The following QRSL1 variants were observed in gnomAD, a reference collection of about 807,000 sequenced individuals.
QRSL1 encodes glutamyl-tRNA(Gln) amidotransferase subunit A, mitochondrial.
A neutral mutation model predicts 61.6 loss-of-function variants in QRSL1; 54 were observed. That is an observed-to-expected ratio of 0.88 (90% CI 0.70 to 1.10). QRSL1 has a LOEUF of 1.10. QRSL1 is among the 50% of genes least tolerant of loss of function. The pLI is 0.00. For synonymous variants in QRSL1, 228 were observed against 225.7 expected, an observed-to-expected ratio of 1.01 and a Z score of -0.09; for missense variants, 505 against 622.6, an observed-to-expected ratio of 0.81 and a Z score of 2.01.
chr6:106,657,675 T>C (rs1582419520), intron 9 of QRSL1, among the ~76,000 whole-genome samples: 1 of 152,194 alleles, frequency 6.6e-6, no homozygotes. Context: ...ACTTTTTTTA[T>C]TTTAAAAAGT....
chr6:106,639,119 G>GTTTTTTTTTT (rs1177849683), intron 1 of QRSL1, among the ~76,000 whole-genome samples: 35 of 122,810 alleles, frequency 2.8e-4, no homozygotes, highest in African/African-American at 8.0e-4. Context: ...GTGTTTTGTT[G>GTTTTTTTTTT]TTTTTTTTTT....
At chr6:106,642,496 T>G in intron 3 of QRSL1, 5 of 684,798 alleles carry the variant, frequency 7.3e-6, no homozygotes, top group East Asian at 2.6e-5. Flanking sequence ...AGGCACCCAA[T>G]ATGTGTTTTC....
intron 1 of QRSL1, among the ~76,000 whole-genome samples, chr6:106,639,140 T>TTTTTTTTTTTTTTTTTTC (rs1562165178): frequency 7.0e-6 from 1 of 141,966 alleles, no homozygotes; most frequent in African/African-American, 2.7e-5. Flanking sequence ...TTTTTTTTTT[T>TTTTTTTTTTTTTTTTTTC]TTTTTTGACA....
intron 1 of QRSL1, among the ~76,000 whole-genome samples, chr6:106,637,570 G>A (rs1776943932): frequency 6.6e-6 from 1 of 152,076 alleles, no homozygotes; most frequent in Non-Finnish European, 1.5e-5. Flanking sequence ...AGAGGGAAGA[G>A]AAGCATTGAG....
At chr6:106,636,226 G>A (rs1394972098) in intron 1 of QRSL1, among the ~76,000 whole-genome samples, 3 of 151,866 alleles carry the variant, frequency 2.0e-5, no homozygotes, top group Non-Finnish European at 4.4e-5. Context: ...AAGCATTTTG[G>A]ATAAGGGATA....
At position 106,657,768 on chromosome 6, in the gene QRSL1, C is replaced by T. The variant is rs148045715; in HGVS notation, c.1160+2036C>T. ...TCACCCAGGCTGGAGTGCAATGGCA[C>T]GATCTCAGCTCACTGCAACCCTGCC... On this transcript the variant is annotated intron_variant, in intron 9 of 10. Transcript: ENST00000369046. Among the ~76,000 whole-genome samples, 681 of 152,228 alleles carry T rather than the reference C, an allele frequency of 4.5e-3. 9 individuals carry two copies. Among genetic ancestry groups the T allele is most frequent in the African/African-American group, 0.015 (642 of 41,518 alleles).
chr6:106,631,596 CGT>C (rs771731053), intron 1 of QRSL1, among the ~76,000 whole-genome samples: 1 of 152,014 alleles, frequency 6.6e-6, no homozygotes. Context: ...CAGAAGTACT[CGT>C]GTGTGTGGAA....
chr6:106,648,917 G>A, intron 4 of QRSL1, 108 bp from the exon 5 acceptor site: 2 of 1,143,232 alleles, frequency 1.7e-6, no homozygotes, highest in Admixed American at 2.6e-5. Flanking sequence ...GCTACAGTGG[G>A]TTCTTAAATG....
chr6:106,645,766 T>C (rs1777098074), intron 4 of QRSL1, among the ~76,000 whole-genome samples: 1 of 152,240 alleles, frequency 6.6e-6, no homozygotes, highest in African/African-American at 2.4e-5. Flanking sequence ...CAGTTTCTAA[T>C]TGTTTATTGC....
intron 4 of QRSL1, among the ~76,000 whole-genome samples, chr6:106,648,273 C>T (rs1777144199): frequency 6.6e-6 from 1 of 151,474 alleles, no homozygotes; most frequent in Non-Finnish European, 1.5e-5. Context: ...TCCAGACTGC[C>T]AGTAGAGCGA....
Position 106,640,840 on chromosome 6 carries a change from T to G in QRSL1, c.202T>G (p.Leu68Val). The G allele has an allele frequency of 6.2e-7, 1 of 1,613,620 alleles. No individual in the cohort carries two copies. Among genetic ancestry groups the G allele is most frequent in the Non-Finnish European group, 8.5e-7 (1 of 1,179,762 alleles). The change falls in exon 3 of 11, where the codon TTA becomes GTA. Residue 68 changes from leucine (L) to valine (V), a missense_variant. Leu to Val is a conservative substitution (Grantham distance 32). Transcript: ENST00000369046. ...RYKNGQSLGDLDGIPIAVKDN... is the reference protein window; with the variant it reads ...RYKNGQSLGDVDGIPIAVKDN... ...TAATGCAGGACAGTCACTTGGGGAT[T>G]TAGATGGAATTCCTATTGCAGTAAA...
At chr6:106,655,028 C>G in intron 8 of QRSL1, 106 bp downstream of exon 8, 1 of 1,050,392 alleles carries the variant, frequency 9.5e-7, no homozygotes. Context: ...GTTAGTGATT[C>G]AGAAAAGTTC....
In QRSL1 at chr6:106,638,041, G is replaced by C. The variant is rs537978621; in HGVS notation, c.25-2308G>C. On this transcript the variant is annotated intron_variant, in intron 1 of 10. Transcript: ENST00000369046. ...CCTTATACCAGTCTGGAAGCAGCTT[G>C]AGGATTGTAGGCATTAGGGGACTTG... is the stretch of plus-strand genomic sequence containing the variant. 3.9e-5 allele frequency among the ~76,000 whole-genome samples: 6 copies of C among 152,330 alleles called. No individual in the cohort carries two copies. The East Asian group carries it at 1.2e-3, about 29-fold the overall frequency.
Position 106,667,342 on chromosome 6 carries a change from A to G in QRSL1, c.*1340A>G, listed in dbSNP as rs1031177860. ...CCCTCGAGCCCAGAGATATTAATGG[A>G]TATCTGTATTCAATATTTGACAAAA... On this transcript the variant is annotated 3_prime_UTR_variant, in exon 11 of 11. Coordinates refer to ENST00000369046, the MANE Select transcript of QRSL1 (RefSeq NM_018292.5). The G allele has an allele frequency of 1.3e-5, 2 of 152,100 alleles. No individual in the cohort carries two copies. Among genetic ancestry groups the G allele is most frequent in the Non-Finnish European group, 2.9e-5 (2 of 68,036 alleles). The allele number at this position is 152,100 out of a possible 1,614,324, so 9.4% of individuals were successfully genotyped here.
chr6:106,660,928 C>T (rs1011235190), intron 9 of QRSL1, among the ~76,000 whole-genome samples: 19 of 152,138 alleles, frequency 1.2e-4, no homozygotes, highest in South Asian at 4.2e-4. Flanking sequence ...CTTAAAGGCC[C>T]CATCTCTTAA....
Position 106,663,031 on chromosome 6 carries a change from T to C in QRSL1, c.1212T>C (p.Ala404=), listed in dbSNP as rs528085772. The part of the protein sequence containing the change: ...VKAQKVRRLI[A]NDFVNAFNSG... The stretch of plus-strand genomic sequence containing the variant: ...CACAGAAAGTGAGACGCCTCATTGC[T>C]AATGACTTTGTAAATGCTTTTAACT... Residue 404 remains alanine, a synonymous_variant, in exon 10 of 11, where the codon GCT becomes GCC. Transcript: ENST00000369046. 3.8e-4 allele frequency: 618 copies of C among 1,613,276 alleles called. 5 individuals carry two copies. In the South Asian group the frequency reaches 6.2e-3, roughly 16 times the overall value.
chr6:106,648,381 G>C (rs907026358), intron 4 of QRSL1, among the ~76,000 whole-genome samples: 1 of 152,060 alleles, frequency 6.6e-6, no homozygotes, highest in Admixed American at 6.6e-5. Context: ...TATCCTTATT[G>C]TTAGGAAATA....
In QRSL1 at chr6:106,639,112, TTTTGTTG is replaced by T. The variant is rs1422039570; in HGVS notation, c.25-1233_25-1227del. ...CCTAACTTGTGTGGTTATTTGTGTG[TTTTGTTG>T]TTTTTTTTTTTTTTTTTTTTTTTTT... On this transcript the variant is annotated intron_variant, in intron 1 of 10. Transcript: ENST00000369046. 1.1e-3 allele frequency among the ~76,000 whole-genome samples: 85 copies of T among 75,888 alleles called. 7 individuals carry two copies. The highest frequency in any genetic ancestry group is 4.4e-3 in the African/African-American group (80 of 18,316). The allele number at this position is 75,888 out of a possible 152,430, so 49.8% of individuals were successfully genotyped here. A position where few individuals can be genotyped will look rare whatever the true frequency, so the allele number is the denominator to read the frequency against.
rs58010149 is a variant in QRSL1, at chr6:106,654,404, CATATATGCTG to C, written c.850-311_850-302del. ...GGGTACCTGATACATGAGCATTTAA[CATATATGCTG>C]ATATATGCTGATATGCTGTTAGGTT... On this transcript the variant is annotated intron_variant, in intron 7 of 10. Coordinates refer to ENST00000369046, the MANE Select transcript of QRSL1 (RefSeq NM_018292.5). Among the ~76,000 whole-genome samples the C allele has an allele frequency of 4.3e-3, 651 of 151,768 alleles. 1 individual carries two copies. The highest frequency in any genetic ancestry group is 0.015 in the African/African-American group (619 of 41,418).
Sources: gnomAD v4.1 joint callset for allele counts (sites outside exome capture counted in the v4.1 genomes callset) on GRCh38, gnomAD v4.1.1 for gene constraint, MANE v1.5 for transcripts, NCBI Gene and HGNC (gene_info 2026-07-23, HGNC 2026-07-21) for gene names.